The following RASGEF1B variants were observed in gnomAD, a reference collection of about 807,000 sequenced individuals.
The protein encoded by RASGEF1B is RasGEF domain family member 1B, also known as ras-GEF domain-containing family member 1B.
Under a neutral mutation model 65.7 loss-of-function variants are expected in RASGEF1B, and 30 were observed. That is an observed-to-expected ratio of 0.46 (90% CI 0.34 to 0.62). The LOEUF (loss-of-function observed/expected upper bound fraction) is 0.62. RASGEF1B is among the 20% of genes least tolerant of loss of function. RASGEF1B has a pLI of 0.01. For synonymous variants in RASGEF1B, 175 were observed against 194.8 expected, an observed-to-expected ratio of 0.90 and a Z score of 0.85; for missense variants, 495 against 580.1, an observed-to-expected ratio of 0.85 and a Z score of 1.51.
chr4:81,461,929 A>G (rs913171023), intron 1 of RASGEF1B, among the ~76,000 whole-genome samples: 3 of 152,222 alleles, frequency 2.0e-5, no homozygotes, highest in African/African-American at 4.8e-5. Flanking sequence ...GAGGCTAATT[A>G]GCAGTAAGCA....
chr4:81,430,227 G>A (rs1309222788), intron 13 of RASGEF1B, among the ~76,000 whole-genome samples: 1 of 152,152 alleles, frequency 6.6e-6, no homozygotes. Context: ...CGTGAACCCG[G>A]GAGGCGGAGC....
At chr4:81,428,351 C>G (rs188128207) in intron 13 of RASGEF1B, among the ~76,000 whole-genome samples, 1 of 152,180 alleles carries the variant, frequency 6.6e-6, no homozygotes, top group African/African-American at 2.4e-5. Flanking sequence ...TACAATGATT[C>G]CAGAATATAG....
Position 81,466,773 on chromosome 4 carries a change from AGAAAG to A in RASGEF1B, c.-7+4992_-7+4996del, listed in dbSNP as rs1444088075. 2.3e-3 allele frequency among the ~76,000 whole-genome samples: 190 copies of A among 81,150 alleles called. 2 individuals carry two copies. The highest frequency in any genetic ancestry group is 0.011 in the African/African-American group (159 of 15,130). The allele number at this position is 81,150 out of a possible 152,430, so 53.2% of individuals were successfully genotyped here. A position where few individuals can be genotyped will look rare whatever the true frequency, so the allele number is the denominator to read the frequency against. The stretch of plus-strand genomic sequence containing the variant: ...GCCTCCATGTCAAAAAAAAAAAAAA[AGAAAG>A]AAAGAAAGAAAGAAAGAAAGAAAGA... On this transcript the variant is annotated intron_variant, in intron 1 of 13. Transcript: ENST00000264400.
At chr4:81,468,802 T>G (rs1403219615) in intron 1 of RASGEF1B, among the ~76,000 whole-genome samples, 1 of 152,196 alleles carries the variant, frequency 6.6e-6, no homozygotes, top group Non-Finnish European at 1.5e-5. Context: ...TGTAAATGCA[T>G]GAAGCGATAG....
At position 81,430,620 on chromosome 4, in the gene RASGEF1B, C is replaced by G. The variant is rs192672090; in HGVS notation, c.1397+1679G>C. Among the ~76,000 whole-genome samples, 407 of 152,280 alleles carry G rather than the reference C, an allele frequency of 2.7e-3. 5 individuals are homozygous for G. The highest frequency in any genetic ancestry group is 9.3e-3 in the African/African-American group (386 of 41,558). ...AGCAGCAGGGCACTGAAGAAGGGAG[C>G]CACACCACACCCCCATCGCATGCCC... is the stretch of plus-strand genomic sequence containing the variant. On this transcript the variant is annotated intron_variant, in intron 13 of 13. Transcript: ENST00000264400.
intron 1 of RASGEF1B, among the ~76,000 whole-genome samples, chr4:81,466,349 G>C (rs1277064586): frequency 6.6e-6 from 1 of 152,170 alleles, no homozygotes; most frequent in Non-Finnish European, 1.5e-5. Context: ...CGCCCTGCTA[G>C]AATACAAAGA....
At chr4:81,445,420 A>AGT in intron 8 of RASGEF1B, 106 bp downstream of exon 8, 1 of 797,736 alleles carries the variant, frequency 1.3e-6, no homozygotes, top group South Asian at 1.7e-5. Context: ...TCTGGATTAA[A>AGT]AAATACAGTC....
At chr4:81,469,583 T>C (rs551436911) in intron 1 of RASGEF1B, among the ~76,000 whole-genome samples, 1 of 152,342 alleles carries the variant, frequency 6.6e-6, no homozygotes, top group South Asian at 2.1e-4. Context: ...AAGAACTATG[T>C]GTTATTATAA....
intron 4 of RASGEF1B, chr4:81,453,629 T>C (rs1722344215): frequency 1.3e-5 from 2 of 152,114 alleles, no homozygotes; most frequent in African/African-American, 4.8e-5. Flanking sequence ...GTGCTAAGAA[T>C]GACTATGAAG....
chr4:81,449,440 C>A (rs1722169261), intron 4 of RASGEF1B, among the ~76,000 whole-genome samples: 1 of 152,212 alleles, frequency 6.6e-6, no homozygotes, highest in Admixed American at 6.5e-5. Flanking sequence ...ATCCATCAAT[C>A]CCAGGGCACA....
At chr4:81,450,699 C>T (rs78835327) in intron 4 of RASGEF1B, among the ~76,000 whole-genome samples, 1,955 of 152,152 alleles carry the variant, frequency 0.013, 31 homozygotes, top group African/African-American at 0.034. Flanking sequence ...AGCCACCGTA[C>T]CCAGCCTCTA....
chr4:81,435,644 T>G (rs1217695976), intron 10 of RASGEF1B, among the ~76,000 whole-genome samples: 1 of 148,060 alleles, frequency 6.8e-6, no homozygotes, highest in Non-Finnish European at 1.5e-5. Context: ...AATTTTTTTT[T>G]TTTGTATTTT....
At chr4:81,430,745 A>G (rs907674035) in intron 13 of RASGEF1B, among the ~76,000 whole-genome samples, 1 of 152,232 alleles carries the variant, frequency 6.6e-6, no homozygotes, top group Non-Finnish European at 1.5e-5. Flanking sequence ...ATACAGTTCA[A>G]TCTTTAGCTT....
At chr4:81,446,491 T>C (rs575842906) in intron 6 of RASGEF1B, among the ~76,000 whole-genome samples, 1 of 152,198 alleles carries the variant, frequency 6.6e-6, no homozygotes, top group African/African-American at 2.4e-5. Flanking sequence ...CCGACTCAGA[T>C]AGAGTGCAAA....
At chr4:81,429,671 C>T (rs574438502) in intron 13 of RASGEF1B, among the ~76,000 whole-genome samples, 2 of 152,344 alleles carry the variant, frequency 1.3e-5, no homozygotes, top group African/African-American at 2.4e-5. Context: ...CTGAAGAAGA[C>T]GCAAGTGGCG....
At chr4:81,463,546 C>A (rs555075632) in intron 1 of RASGEF1B, among the ~76,000 whole-genome samples, 41 of 152,118 alleles carry the variant, frequency 2.7e-4, no homozygotes, top group Non-Finnish European at 5.0e-4. Flanking sequence ...AATCATGGCT[C>A]ACAGTATTCA....
chr4:81,434,900 A>G (rs905222855), intron 10 of RASGEF1B, among the ~76,000 whole-genome samples, 166 bp from the exon 11 acceptor site: 1 of 152,236 alleles, frequency 6.6e-6, no homozygotes. Flanking sequence ...CTTCCCTTAC[A>G]TAATTTTGCT....
chr4:81,451,994 G>C (rs758820248), intron 4 of RASGEF1B: 3 of 152,264 alleles, frequency 2.0e-5, no homozygotes, highest in Non-Finnish European at 4.4e-5. Flanking sequence ...GATTCTGATC[G>C]ACTTGGTCTG....
intron 13 of RASGEF1B, among the ~76,000 whole-genome samples, chr4:81,429,736 G>A (rs1721354837): frequency 6.6e-6 from 1 of 152,130 alleles, no homozygotes; most frequent in Admixed American, 6.5e-5. Flanking sequence ...CGCCGGCAGG[G>A]CACACCGAAA....
Sources: gnomAD v4.1 joint callset for allele counts (sites outside exome capture counted in the v4.1 genomes callset) on GRCh38, gnomAD v4.1.1 for gene constraint, MANE v1.5 for transcripts, NCBI Gene and HGNC (gene_info 2026-07-23, HGNC 2026-07-21) for gene names.